C3orf49: variants seen among roughly 807,000 people sequenced by gnomAD.
C3orf49 encodes putative uncharacterized protein C3orf49.
In C3orf49, 27 loss-of-function variants were observed where a neutral mutation model predicts 13.3. The ratio of observed to expected loss-of-function variants is 2.02; its 90% CI spans 1.49 to 2.79. The LOEUF is 2.79. Among genes scored for constraint, C3orf49 ranks in the 30% most tolerant of loss-of-function variants. The probability of loss-of-function intolerance (pLI) is 0.00; values close to 1 mark genes in which losing one functional copy is unlikely to be tolerated. For missense variants in C3orf49, 242 were observed against 134.2 expected, an observed-to-expected ratio of 1.80 and a Z score of -3.97; for synonymous variants, 87 against 47.6, an observed-to-expected ratio of 1.83 and a Z score of -3.40.
At chr3:63,829,869 G>A (rs1183880593) in intron 3 of C3orf49, among the ~76,000 whole-genome samples, 1 of 152,178 alleles carries the variant, frequency 6.6e-6, no homozygotes, top group Non-Finnish European at 1.5e-5. Context: ...GAAGGCTGAG[G>A]TGGGAGGATC....
At chr3:63,796,629 C>T in the C3orf49 span, among the ~76,000 whole-genome samples, 2 of 152,112 alleles carry the variant, frequency 1.3e-5, no homozygotes, top group African/African-American at 4.8e-5. Flanking sequence ...TCAAATAACA[C>T]TATATGACTT....
chr3:63,838,102 T>C, intron 5 of C3orf49: 1 of 1,505,612 alleles, frequency 6.6e-7, no homozygotes, highest in Non-Finnish European at 9.0e-7. Flanking sequence ...TGTAACAAAA[T>C]CAATAATCCA....
At chr3:63,784,224 T>A in the C3orf49 span, among the ~76,000 whole-genome samples, 1 of 152,190 alleles carries the variant, frequency 6.6e-6, no homozygotes, top group African/African-American at 2.4e-5. Flanking sequence ...AAAGATTTAG[T>A]TTTCACTTAT....
chr3:63,826,801 C>G (rs1277600752), intron 2 of C3orf49: 2 of 152,006 alleles, frequency 1.3e-5, no homozygotes, highest in African/African-American at 4.8e-5. Context: ...TAGTGACCCC[C>G]TTTTTTAAGA....
chr3:63,803,115 A>T, the C3orf49 span, among the ~76,000 whole-genome samples: 2 of 152,326 alleles, frequency 1.3e-5, no homozygotes, highest in South Asian at 4.1e-4. Flanking sequence ...TGCCCCTTTT[A>T]AATCTGTTCT....
chr3:63,847,916 T>G (rs973899102), intron 6 of C3orf49, among the ~76,000 whole-genome samples: 2 of 152,068 alleles, frequency 1.3e-5, no homozygotes, highest in African/African-American at 4.8e-5. Flanking sequence ...GAAAAACTAG[T>G]TTAGGCCATG....
the C3orf49 span, among the ~76,000 whole-genome samples, chr3:63,799,176 G>C: frequency 1.3e-5 from 2 of 152,162 alleles, no homozygotes; most frequent in Non-Finnish European, 2.9e-5. Context: ...GCATGATTAC[G>C]TGGTTGAATT....
chr3:63,785,590 G>T, the C3orf49 span, among the ~76,000 whole-genome samples: 3 of 152,140 alleles, frequency 2.0e-5, no homozygotes, highest in Admixed American at 6.5e-5. Flanking sequence ...ACTTGAACCA[G>T]TGGCTACCCA....
At chr3:63,796,321 A>G in the C3orf49 span, among the ~76,000 whole-genome samples, 3 of 152,246 alleles carry the variant, frequency 2.0e-5, no homozygotes, top group South Asian at 6.2e-4. Context: ...TCTTTTAAAA[A>G]TATTAATATG....
At chr3:63,785,642 C>T in the C3orf49 span, among the ~76,000 whole-genome samples, 1 of 152,136 alleles carries the variant, frequency 6.6e-6, no homozygotes, top group Admixed American at 6.5e-5. Flanking sequence ...TTTAAAGATA[C>T]TGTATTACAC....
the C3orf49 span, among the ~76,000 whole-genome samples, chr3:63,802,355 G>T: frequency 6.6e-6 from 1 of 152,316 alleles, no homozygotes; most frequent in East Asian, 1.9e-4. Flanking sequence ...TGCAAGGAAA[G>T]AAGTTCAGAA....
upstream of C3orf49, among the ~76,000 whole-genome samples, chr3:63,818,098 A>C (rs1055238800): frequency 3.9e-5 from 6 of 152,128 alleles, no homozygotes; most frequent in Non-Finnish European, 5.9e-5. Context: ...AGCGTTTCTC[A>C]AATAAGGGAC....
chr3:63,815,865 C>T (rs751062350), upstream of C3orf49, among the ~76,000 whole-genome samples: 4 of 148,454 alleles, frequency 2.7e-5, no homozygotes, highest in Non-Finnish European at 5.9e-5. Flanking sequence ...CTCCTGGGTT[C>T]AAGCGAGGAG....
intron 3 of C3orf49, among the ~76,000 whole-genome samples, chr3:63,830,882 A>G (rs1489558109): frequency 2.6e-5 from 4 of 152,124 alleles, no homozygotes. Flanking sequence ...GAGCCAGACA[A>G]TCTCATTTCT....
At chr3:63,834,062 C>A in intron 5 of C3orf49, 1 of 1,499,478 alleles carries the variant, frequency 6.7e-7, no homozygotes, top group Non-Finnish European at 9.2e-7. Flanking sequence ...CAAGAGCATA[C>A]CACATTTTAA....
intron 5 of C3orf49, among the ~76,000 whole-genome samples, chr3:63,832,637 G>C (rs1337281093): frequency 6.6e-6 from 1 of 152,046 alleles, no homozygotes; most frequent in African/African-American, 2.4e-5. Flanking sequence ...ACTCCAGCCT[G>C]GATGACAGGG....
chr3:63,812,386 C>T, the C3orf49 span, among the ~76,000 whole-genome samples: 2,796 of 152,284 alleles, frequency 0.018, 73 homozygotes, highest in African/African-American at 0.059. Flanking sequence ...CTGTGGTCCA[C>T]GGGCCACACG....
chr3:63,799,095 C>A, the C3orf49 span, among the ~76,000 whole-genome samples: 2 of 152,118 alleles, frequency 1.3e-5, no homozygotes, highest in African/African-American at 4.8e-5. Flanking sequence ...ATATCTGATT[C>A]CTGTGCGGCT....
At chr3:63,836,356 A>G in intron 5 of C3orf49, 2 of 1,612,206 alleles carry the variant, frequency 1.2e-6, no homozygotes, top group Non-Finnish European at 1.7e-6. Flanking sequence ...AAAGCATCAT[A>G]TTCTGTAAGA....
Sources: allele counts gnomAD v4.1 joint callset (sites outside exome capture counted in the v4.1 genomes callset), GRCh38; gene constraint gnomAD v4.1.1; transcripts MANE v1.5; gene names NCBI Gene and HGNC (gene_info 2026-07-23, HGNC 2026-07-21).